SERF2: variants seen among roughly 807,000 people sequenced by gnomAD.
SERF2 encodes small EDRK-rich factor 2, also known as gastric cancer-related protein VRG107.
A neutral mutation model predicts 10.7 loss-of-function variants in SERF2; 4 were observed. The ratio of observed to expected loss-of-function variants is 0.37; its 90% CI spans 0.18 to 0.86. The LOEUF (loss-of-function observed/expected upper bound fraction) is 0.86. Among genes scored for constraint, SERF2 ranks in the 40% least tolerant of loss-of-function variants. SERF2 has a pLI of 0.43. For synonymous variants in SERF2, 26 were observed against 26.0 expected, an observed-to-expected ratio of 1.00 and a Z score of 0.01; for missense variants, 47 against 79.1, an observed-to-expected ratio of 0.59 and a Z score of 1.54.
At chr15:43,784,275 T>C (rs1192334371) in intron 1 of SERF2, among the ~76,000 whole-genome samples, 1 of 152,142 alleles carries the variant, frequency 6.6e-6, no homozygotes, top group African/African-American at 2.4e-5. Context: ...GTTTCCAGTG[T>C]TGCTGCTGAC....
chr15:43,786,271 C>T (rs1002444807), intron 2 of SERF2, among the ~76,000 whole-genome samples: 2 of 151,548 alleles, frequency 1.3e-5, no homozygotes, highest in Non-Finnish European at 2.9e-5. Flanking sequence ...AAAAATTAGC[C>T]AGGTGTGGTG....
chr15:43,778,249 C>G (rs1158905318), intron 1 of SERF2: 1 of 152,040 alleles, frequency 6.6e-6, no homozygotes, highest in Non-Finnish European at 1.5e-5. Flanking sequence ...AGGGATGAGC[C>G]ACCGCGCCCG....
intron 1 of SERF2, among the ~76,000 whole-genome samples, chr15:43,779,180 T>C (rs2086946519): frequency 6.6e-6 from 1 of 151,750 alleles, no homozygotes; most frequent in Non-Finnish European, 1.5e-5. Flanking sequence ...GCAGAGAAGG[T>C]GGGTGTAAGT....
Position 43,778,667 on chromosome 15 carries a change from A to G in SERF2, c.-527+1165A>G, listed in dbSNP as rs1213952070. On this transcript the variant is annotated intron_variant, in intron 1 of 4. Transcript: ENST00000381359. ...GTAATCCCAGCACTTTGGGAGGCTG[A>G]GGCAGGTGGATTACCTGAGCTCAGG... is the stretch of plus-strand genomic sequence containing the variant. 2.2e-5 allele frequency among the ~76,000 whole-genome samples: 3 copies of G among 138,872 alleles called. No homozygotes were observed. The East Asian group carries it at 7.4e-4, about 34-fold the overall frequency. 91.1% of individuals were successfully genotyped at this position (138,872 alleles called of 152,430 possible). A position where few individuals can be genotyped will look rare whatever the true frequency, so the allele number is the denominator to read the frequency against.
At chr15:43,787,806 C>T (rs566881202), upstream of SERF2, among the ~76,000 whole-genome samples, 1 of 151,968 alleles carries the variant, frequency 6.6e-6, no homozygotes, top group South Asian at 2.1e-4. Context: ...TCAAGCCATC[C>T]TTCCACCTCA....
chr15:43,790,451 A>C (rs1263013482), upstream of SERF2, among the ~76,000 whole-genome samples: 1 of 152,128 alleles, frequency 6.6e-6, no homozygotes, highest in Non-Finnish European at 1.5e-5. Flanking sequence ...TTATAGGAAT[A>C]TGCTGTGCTC....
chr15:43,789,305 G>GA (rs1459968963), upstream of SERF2, among the ~76,000 whole-genome samples: 7 of 152,140 alleles, frequency 4.6e-5, no homozygotes, highest in East Asian at 1.3e-3. Context: ...AGGCATTAGT[G>GA]ACTTGCCCTT....
chr15:43,789,186 A>G (rs1486875639), upstream of SERF2, among the ~76,000 whole-genome samples: 1 of 152,052 alleles, frequency 6.6e-6, no homozygotes, highest in African/African-American at 2.4e-5. Context: ...AAATGTACCA[A>G]ATAAAAACCC....
rs894216681 is a variant in SERF2, at chr15:43,794,158, TTAA to T, written c.*389_*391del. 38 of 579,470 alleles carry T rather than the reference TTAA, an allele frequency of 6.6e-5. No homozygotes were observed. The highest frequency in any genetic ancestry group is 3.2e-4 in the East Asian group (11 of 34,454). 35.9% of individuals were successfully genotyped at this position (579,470 alleles called of 1,614,324 possible). The stretch of plus-strand genomic sequence containing the variant: ...AGATTCAGATTGTGGGTATGTAGAC[TTAA>T]TAAGTGAAACATCACAGAAGAAGCC... On this transcript the variant is annotated 3_prime_UTR_variant, in exon 3 of 3. Transcript: ENST00000249786.
At position 43,795,669 on chromosome 15, in the gene SERF2, T is replaced by A; in HGVS notation, c.*1896T>A. 6.2e-7 allele frequency: 1 copy of A among 1,613,670 alleles called. No homozygotes were observed. Among genetic ancestry groups the A allele is most frequent in the Non-Finnish European group, 8.5e-7 (1 of 1,179,628 alleles). On this transcript the variant is annotated 3_prime_UTR_variant, in exon 3 of 3. Coordinates refer to ENST00000249786, the MANE Select transcript of SERF2 (RefSeq NM_001018108.4). ...CACAGAGATCTACCACTTCTTATGG[T>A]TCCTCACTTGGCACTCACCTTTGTC...
At chr15:43,793,361 C>T in intron 2 of SERF2, 1 of 584,804 alleles carries the variant, frequency 1.7e-6, no homozygotes, top group South Asian at 2.3e-5. Flanking sequence ...ATTTCAAATA[C>T]AGTTGTGGTT....
At chr15:43,789,268 A>T (rs1414329238), upstream of SERF2, among the ~76,000 whole-genome samples, 1 of 152,046 alleles carries the variant, frequency 6.6e-6, no homozygotes, top group African/African-American at 2.4e-5. Flanking sequence ...TCCCTATCTG[A>T]CCTAGTTTCA....
intron 2 of SERF2, among the ~76,000 whole-genome samples, chr15:43,787,127 G>A (rs1055353316): frequency 1.3e-5 from 2 of 151,714 alleles, no homozygotes; most frequent in African/African-American, 4.8e-5. Context: ...AGCCTCCCAG[G>A]TAGCTGGGAC....
At chr15:43,780,992 A>G (rs1318995895) in intron 1 of SERF2, among the ~76,000 whole-genome samples, 2 of 152,132 alleles carry the variant, frequency 1.3e-5, no homozygotes, top group East Asian at 3.9e-4. Context: ...ACTTAAAGGA[A>G]GCACTTGATG....
Position 43,795,057 on chromosome 15 carries a change from G to T in SERF2, c.*1284G>T, listed in dbSNP as rs771216898. 1.2e-5 allele frequency: 19 copies of T among 1,612,254 alleles called. No homozygotes were observed. The highest frequency in any genetic ancestry group is 3.7e-4 in the Middle Eastern group (2 of 5,466). ...TGATGCGGTGGCGGCGGCGCCTCAA[G>T]ATAAGGGGCTGGGGTTTCTGGGTGG... is the stretch of plus-strand genomic sequence containing the variant. On this transcript the variant is annotated 3_prime_UTR_variant, in exon 3 of 3. Transcript: ENST00000249786.
At chr15:43,788,757 T>C (rs922138023), upstream of SERF2, among the ~76,000 whole-genome samples, 1 of 152,214 alleles carries the variant, frequency 6.6e-6, no homozygotes, top group Admixed American at 6.5e-5. Context: ...TATCTCAGTT[T>C]CGTTGAGAAA....
chr15:43,795,598 C>T lies in SERF2; in HGVS notation c.*1825C>T. 6.2e-7 allele frequency: 1 copy of T among 1,611,318 alleles called. No individual in the cohort carries two copies. The highest frequency in any genetic ancestry group is 1.3e-5 in the African/African-American group (1 of 74,970). On this transcript the variant is annotated 3_prime_UTR_variant, in exon 3 of 3. Coordinates refer to ENST00000249786, the MANE Select transcript of SERF2 (RefSeq NM_001018108.4). Reference sequence around the variant, plus strand: ...GCTGCTGAAACACCTCTTCCCCTCTCCCCCAACTACCTTTGTTAAGGCTCT... The same window carrying T: ...GCTGCTGAAACACCTCTTCCCCTCTTCCCCAACTACCTTTGTTAAGGCTCT...
chr15:43,791,873 G>A (rs967868848), upstream of SERF2: 3 of 164,100 alleles, frequency 1.8e-5, no homozygotes, highest in African/African-American at 7.2e-5. Context: ...GTCCAAATAA[G>A]TGGCTGAGAG....
intron 1 of SERF2, among the ~76,000 whole-genome samples, chr15:43,778,384 C>T (rs1475141609): frequency 6.6e-6 from 1 of 151,656 alleles, no homozygotes; most frequent in Non-Finnish European, 1.5e-5. Flanking sequence ...ATGGATAAAG[C>T]TGGTCTCTTA....
Sources: allele counts gnomAD v4.1 joint callset (sites outside exome capture counted in the v4.1 genomes callset), GRCh38; gene constraint gnomAD v4.1.1; transcripts MANE v1.5; gene names NCBI Gene and HGNC (gene_info 2026-07-23, HGNC 2026-07-21).